AK2: variants seen among roughly 807,000 people sequenced by gnomAD.
AK2 encodes adenylate kinase 2, mitochondrial.
AK2 carries 15 observed loss-of-function variants against 24.6 expected under a neutral mutation model. That is an observed-to-expected ratio of 0.61 (90% CI 0.41 to 0.94). The LOEUF is 0.94. Ranked by LOEUF, AK2 falls within the 40% of genes least tolerant of loss-of-function variation. The pLI is 0.00. For missense variants in AK2, 257 were observed against 304.1 expected, an observed-to-expected ratio of 0.85 and a Z score of 1.15; for synonymous variants, 102 against 114.0, an observed-to-expected ratio of 0.90 and a Z score of 0.67.
At chr1:33,035,317 CTTCT>C (rs750437871) in intron 1 of AK2, among the ~76,000 whole-genome samples, 2 of 152,238 alleles carry the variant, frequency 1.3e-5, no homozygotes, top group African/African-American at 4.8e-5. Context: ...TGTTCCAGAA[CTTCT>C]TTCTTTATCA....
rs1344752779 is a variant in AK2, at chr1:33,010,747, TTCCCCTC to T, written c.*2427_*2433del. On this transcript the variant is annotated 3_prime_UTR_variant, in exon 6 of 6. Transcript: ENST00000672715. ...CTCACCATCCTCACCCTGACCACCC[TTCCCCTC>T]TGCCCAGCACCTAAGAGCAGGGATC... The T allele has an allele frequency of 6.2e-7, 1 of 1,614,130 alleles. No individual in the cohort carries two copies. The highest frequency in any genetic ancestry group is 8.5e-7 in the Non-Finnish European group (1 of 1,180,038).
chr1:33,032,207 A>C (rs1282343161), intron 1 of AK2: 4 of 159,048 alleles, frequency 2.5e-5, no homozygotes, highest in Non-Finnish European at 5.5e-5. Context: ...AACTGTATGA[A>C]ATGAGTCAAA....
chr1:33,024,607 A>T, intron 1 of AK2, 40 bp from the exon 2 acceptor site: 1 of 1,613,638 alleles, frequency 6.2e-7, no homozygotes, highest in Non-Finnish European at 8.5e-7. Flanking sequence ...CAATTACATT[A>T]CAGGCTGTGG....
chr1:33,023,788 A>G (rs1384669544), intron 2 of AK2, among the ~76,000 whole-genome samples: 4 of 152,232 alleles, frequency 2.6e-5, no homozygotes, highest in Non-Finnish European at 5.9e-5. Flanking sequence ...ATTTAGGTAT[A>G]TAACAAAACA....
intron 1 of AK2, among the ~76,000 whole-genome samples, chr1:33,028,498 T>A (rs1250026859): frequency 6.9e-6 from 1 of 144,902 alleles, no homozygotes; most frequent in South Asian, 2.1e-4. Flanking sequence ...TGAAACTCCG[T>A]CTCAAGAAAA....
chr1:33,021,159 G>A (rs1265134277), intron 4 of AK2, among the ~76,000 whole-genome samples: 3 of 151,856 alleles, frequency 2.0e-5, no homozygotes, highest in East Asian at 1.9e-4. Context: ...AAAAAAAAGT[G>A]ACAAGAATGA....
rs1342766053 is a variant in AK2, at chr1:33,011,406, G to C, written c.*1775C>G. The C allele has an allele frequency of 8.5e-6, 11 of 1,287,408 alleles. No homozygotes were observed. Among genetic ancestry groups the C allele is most frequent in the Non-Finnish European group, 1.1e-5 (11 of 988,820 alleles). The allele number at this position is 1,287,408 out of a possible 1,614,324, so 79.7% of individuals were successfully genotyped here. ...ATTAAGAGTGGGTGGAGTTGGTTTA[G>C]AGCCAGGAAAACAAGGCAGGACAGA... On this transcript the variant is annotated 3_prime_UTR_variant, in exon 6 of 6. Coordinates refer to ENST00000672715, the MANE Select transcript of AK2 (RefSeq NM_001625.4).
At chr1:33,036,668 T>C (rs1013266398) in intron 1 of AK2, 68 bp downstream of exon 1, 36 of 1,441,400 alleles carry the variant, frequency 2.5e-5, no homozygotes, top group Non-Finnish European at 3.3e-5. Context: ...CCAGGGCTTC[T>C]AGATCTCCGG....
chr1:33,016,586 C>G (rs1159659931), intron 4 of AK2, among the ~76,000 whole-genome samples: 1 of 152,004 alleles, frequency 6.6e-6, no homozygotes, highest in Non-Finnish European at 1.5e-5. Context: ...CCATAGTTCA[C>G]TGTAACCACA....
rs1638944574 is a variant in AK2 at position 33,013,201 on chromosome 1, CTT to C, written c.698_699del (p.Lys233ArgfsTer20). ...ILAAFSKATCKDLVMFI is the reference protein window; with the variant it reads ...ILAAFSKATCXDLVMFI ...CAACATTAGATAAACATAACCAAGT[CTT>C]TACATGTGGCTTTGGAGAAGGCTGC... is the stretch of plus-strand genomic sequence containing the variant. On this transcript the variant is annotated frameshift_variant, in exon 6 of 6. Coordinates refer to ENST00000672715, the MANE Select transcript of AK2 (RefSeq NM_001625.4). LOFTEE classifies it high-confidence loss of function. 9 of 1,613,960 alleles carry C rather than the reference CTT, an allele frequency of 5.6e-6. No individual in the cohort carries two copies. Among genetic ancestry groups the C allele is most frequent in the Non-Finnish European group, 7.6e-6 (9 of 1,179,986 alleles).
At chr1:33,030,654 T>C (rs920737954) in intron 1 of AK2, among the ~76,000 whole-genome samples, 2 of 152,238 alleles carry the variant, frequency 1.3e-5, no homozygotes, top group Non-Finnish European at 2.9e-5. Context: ...CAGTTTTCCA[T>C]GCATTGTTTT....
Position 33,011,653 on chromosome 1 carries a change from A to G in AK2, c.*1528T>C, listed in dbSNP as rs1356545395. On this transcript the variant is annotated 3_prime_UTR_variant, in exon 6 of 6. Transcript: ENST00000672715. ...TTACTGGATCTGCCACTGACTTTCT[A>G]ATGGTTTTTCCAGAGGCTGCCGTTT... The G allele has an allele frequency of 5.4e-6, 7 of 1,295,218 alleles. No individual in the cohort carries two copies. Among genetic ancestry groups the G allele is most frequent in the Non-Finnish European group, 7.0e-6 (7 of 994,430 alleles). The allele number at this position is 1,295,218 out of a possible 1,614,324, so 80.2% of individuals were successfully genotyped here. A position where few individuals can be genotyped will look rare whatever the true frequency, so the allele number is the denominator to read the frequency against.
chr1:33,011,708 C>T lies in AK2; in HGVS notation c.*1473G>A, dbSNP rs1638833421. 2.3e-6 allele frequency: 3 copies of T among 1,326,540 alleles called. No homozygotes were observed. Among genetic ancestry groups the T allele is most frequent in the Non-Finnish European group, 3.0e-6 (3 of 1,015,432 alleles). The allele number at this position is 1,326,540 out of a possible 1,614,324, so 82.2% of individuals were successfully genotyped here. On this transcript the variant is annotated 3_prime_UTR_variant, in exon 6 of 6. Transcript: ENST00000672715. Reference sequence around the variant, plus strand: ...GGTCCTTCATAGCAGTCTGTTACTTCATCTGTTTGCCACAAATCAAACCAG... The same window carrying T: ...GGTCCTTCATAGCAGTCTGTTACTTTATCTGTTTGCCACAAATCAAACCAG...
chr1:33,011,158 A>G lies in AK2; in HGVS notation c.*2023T>C. ...AAATATTTGGGCAAGGATCATGCAC[A>G]TAAAATTAGCAAACATTCAAGAACC... On this transcript the variant is annotated 3_prime_UTR_variant, in exon 6 of 6. Transcript: ENST00000672715. 1 of 1,359,578 alleles carries G rather than the reference A, an allele frequency of 7.4e-7. No homozygotes were observed. Among genetic ancestry groups the G allele is most frequent in the Non-Finnish European group, 9.5e-7 (1 of 1,049,336 alleles). The allele number at this position is 1,359,578 out of a possible 1,614,324, so 84.2% of individuals were successfully genotyped here. A position where few individuals can be genotyped will look rare whatever the true frequency, so the allele number is the denominator to read the frequency against.
chr1:33,030,284 T>C (rs1445794912), intron 1 of AK2, among the ~76,000 whole-genome samples: 1 of 152,222 alleles, frequency 6.6e-6, no homozygotes, highest in Non-Finnish European at 1.5e-5. Context: ...AAAGCCTAAC[T>C]GGGCTGGAAG....
intron 4 of AK2, among the ~76,000 whole-genome samples, chr1:33,018,843 T>C (rs779903004): frequency 1.1e-4 from 16 of 152,172 alleles, no homozygotes; most frequent in Non-Finnish European, 1.6e-4. Flanking sequence ...GTAATTTACC[T>C]TGTACACCAG....
rs747417335 is a variant in AK2, at chr1:33,008,009, G to A, written c.*5172C>T. On this transcript the variant is annotated 3_prime_UTR_variant, in exon 6 of 6. Coordinates refer to ENST00000672715, the MANE Select transcript of AK2 (RefSeq NM_001625.4). ...TCTCACACAGCTAAGAATTTAATAT[G>A]TTAGACTATTATTAATTATGAAAAC... The A allele has an allele frequency of 2.9e-5, 13 of 453,900 alleles. No homozygotes were observed. The highest frequency in any genetic ancestry group is 5.7e-5 in the Non-Finnish European group (13 of 226,792). The allele number at this position is 453,900 out of a possible 1,614,324, so 28.1% of individuals were successfully genotyped here.
At chr1:33,023,519 C>T (rs549201671) in intron 2 of AK2, among the ~76,000 whole-genome samples, 6 of 151,872 alleles carry the variant, frequency 4.0e-5, no homozygotes, top group Non-Finnish European at 8.8e-5. Context: ...CCCAGGAGGT[C>T]GAGGCTGTAG....
At position 33,026,909 on chromosome 1, in the gene AK2, G is replaced by A. The variant is rs186474736; in HGVS notation, c.94-2342C>T. Among the ~76,000 whole-genome samples the A allele has an allele frequency of 7.4e-3, 1,122 of 151,344 alleles. 8 individuals carry two copies. Among genetic ancestry groups the A allele is most frequent in the Middle Eastern group, 0.017 (5 of 292 alleles). On this transcript the variant is annotated intron_variant, in intron 1 of 5. Coordinates refer to ENST00000672715, the MANE Select transcript of AK2 (RefSeq NM_001625.4). ...GGGAGGCCGAGGCGGGTGGATCACCGGAAGTCAGGAGTTCGAGACTAGCCT... is the reference window on the plus strand; with the variant it reads ...GGGAGGCCGAGGCGGGTGGATCACCAGAAGTCAGGAGTTCGAGACTAGCCT...
Sources: allele counts gnomAD v4.1 joint callset (sites outside exome capture counted in the v4.1 genomes callset), GRCh38; gene constraint gnomAD v4.1.1; transcripts MANE v1.5; gene names NCBI Gene and HGNC (gene_info 2026-07-23, HGNC 2026-07-21).